The following ADK variants were observed in gnomAD, a reference collection of about 807,000 sequenced individuals.
ADK encodes the protein N6,N6-dimethyladenosine kinase.
Under a neutral mutation model 44.7 loss-of-function variants are expected in ADK, and 24 were observed. The observed-to-expected ratio is 0.54, with a 90% CI of 0.39 to 0.76. The LOEUF is 0.76. Among genes scored for constraint, ADK ranks in the 30% least tolerant of loss-of-function variants. The probability of loss-of-function intolerance (pLI) is 0.00; values close to 1 mark genes in which losing one functional copy is unlikely to be tolerated. For synonymous variants in ADK, 128 were observed against 142.6 expected (o/e 0.90, Z 0.73); for missense variants, 321 against 425.1 (o/e 0.76, Z 2.15).
At chr10:74,488,097 T>C (rs1291951099) in intron 6 of ADK, among the ~76,000 whole-genome samples, 1 of 151,988 alleles carries the variant, frequency 6.6e-6, no homozygotes, top group Non-Finnish European at 1.5e-5. Flanking sequence ...TTCAGACATA[T>C]CTTCACTGTG....
chr10:74,583,121 A>G (rs1035243887), intron 7 of ADK, among the ~76,000 whole-genome samples: 1 of 152,222 alleles, frequency 6.6e-6, no homozygotes, highest in Non-Finnish European at 1.5e-5. Flanking sequence ...CATAGTTTGA[A>G]GGACAGCATG....
At chr10:74,384,640 C>A (rs1031553795) in intron 4 of ADK, among the ~76,000 whole-genome samples, 5 of 152,086 alleles carry the variant, frequency 3.3e-5, no homozygotes, top group Admixed American at 3.3e-4. Context: ...CACTGCTCTC[C>A]AGCCTGGGTG....
intron 10 of ADK, among the ~76,000 whole-genome samples, chr10:74,701,546 A>G (rs7902089): frequency 0.022 from 3,379 of 152,320 alleles, 55 homozygotes; most frequent in South Asian, 0.077. Context: ...GGCATATCCA[A>G]TGACACGGGA....
At chr10:74,596,293 C>T (rs927465981) in intron 8 of ADK, among the ~76,000 whole-genome samples, 3 of 152,168 alleles carry the variant, frequency 2.0e-5, no homozygotes, top group Non-Finnish European at 2.9e-5. Flanking sequence ...CATTACTTAA[C>T]GTCTCTGACT....
At chr10:74,481,084 G>A (rs889751213) in intron 6 of ADK, among the ~76,000 whole-genome samples, 4 of 152,052 alleles carry the variant, frequency 2.6e-5, no homozygotes, top group East Asian at 1.9e-4. Flanking sequence ...TCAGCATGGT[G>A]CACTTTGTAA....
At chr10:74,657,782 T>C (rs149943063) in intron 9 of ADK, among the ~76,000 whole-genome samples, 32 of 152,320 alleles carry the variant, frequency 2.1e-4, no homozygotes, top group African/African-American at 7.5e-4. Context: ...GTTCAAAGTT[T>C]AGTTGAGAAG....
At chr10:74,222,204 A>G (rs1018022396) in intron 2 of ADK, among the ~76,000 whole-genome samples, 1 of 152,242 alleles carries the variant, frequency 6.6e-6, no homozygotes, top group Non-Finnish European at 1.5e-5. Context: ...GGTGAAGGAC[A>G]TGAACAGACA....
chr10:74,180,221 TTA>T (rs1023261473), intron 1 of ADK, among the ~76,000 whole-genome samples: 13 of 106,350 alleles, frequency 1.2e-4, no homozygotes, highest in African/African-American at 3.7e-4. Flanking sequence ...ATTATTATTA[TTA>T]TTATTATTAT....
At chr10:74,184,585 G>A (rs1424625137) in intron 1 of ADK, among the ~76,000 whole-genome samples, 2 of 151,490 alleles carry the variant, frequency 1.3e-5, no homozygotes, top group Non-Finnish European at 2.9e-5. Flanking sequence ...ATGTTGCCCA[G>A]GCTGGTCTTG....
At chr10:74,291,423 A>C (rs1222819924) in intron 3 of ADK, among the ~76,000 whole-genome samples, 1 of 151,940 alleles carries the variant, frequency 6.6e-6, no homozygotes, top group East Asian at 1.9e-4. Context: ...TCTCAAAAAC[A>C]ACAACAACAA....
chr10:74,503,549 A>G (rs909714111), intron 6 of ADK, among the ~76,000 whole-genome samples: 2 of 152,226 alleles, frequency 1.3e-5, no homozygotes, highest in Admixed American at 1.3e-4. Flanking sequence ...AGAGTTATCA[A>G]CTAAAGTTAT....
chr10:74,439,791 G>A (rs958897903), intron 6 of ADK, among the ~76,000 whole-genome samples: 5 of 151,860 alleles, frequency 3.3e-5, no homozygotes, highest in African/African-American at 1.2e-4. Flanking sequence ...TTATTTTAAT[G>A]TTTAAATTAT....
chr10:74,702,624 G>A (rs1856475395), intron 10 of ADK, among the ~76,000 whole-genome samples: 1 of 138,210 alleles, frequency 7.2e-6, no homozygotes, highest in African/African-American at 2.7e-5. Flanking sequence ...TTGAGATGGA[G>A]TTTTACTCTT....
chr10:74,364,427 G>A (rs960889738), intron 4 of ADK, among the ~76,000 whole-genome samples: 2 of 152,126 alleles, frequency 1.3e-5, no homozygotes, highest in Non-Finnish European at 2.9e-5. Flanking sequence ...CAGTGGGCAC[G>A]AGTCACCCAT....
chr10:74,432,311 T>G (rs1410844491), intron 6 of ADK, among the ~76,000 whole-genome samples: 1 of 152,326 alleles, frequency 6.6e-6, no homozygotes, highest in East Asian at 1.9e-4. Flanking sequence ...CAGGCCATAT[T>G]CCATATCTGA....
chr10:74,345,423 T>G (rs1490080401), intron 4 of ADK, among the ~76,000 whole-genome samples: 1 of 152,150 alleles, frequency 6.6e-6, no homozygotes, highest in Admixed American at 6.5e-5. Context: ...TCCTCCCACC[T>G]CAGTCTCCTG....
intron 4 of ADK, among the ~76,000 whole-genome samples, chr10:74,338,580 C>A (rs1841486544): frequency 6.6e-6 from 1 of 151,966 alleles, no homozygotes; most frequent in African/African-American, 2.4e-5. Flanking sequence ...GAATACCAAG[C>A]TTTGTAAAAG....
At chr10:74,297,769 A>C (rs1360394859) in intron 3 of ADK, among the ~76,000 whole-genome samples, 2 of 152,214 alleles carry the variant, frequency 1.3e-5, no homozygotes, top group East Asian at 3.8e-4. Flanking sequence ...TTCATAATTA[A>C]AGTTTATTAG....
At chr10:74,371,927 C>G in intron 4 of ADK, 1 of 1,400,682 alleles carries the variant, frequency 7.1e-7, no homozygotes, top group Non-Finnish European at 1.0e-6. Flanking sequence ...GGGCTGACCA[C>G]CAGCCTCTCA....
Sources: gnomAD v4.1 joint callset for allele counts (sites outside exome capture counted in the v4.1 genomes callset) on GRCh38, gnomAD v4.1.1 for gene constraint, MANE v1.5 for transcripts, NCBI Gene and HGNC (gene_info 2026-07-23, HGNC 2026-07-21) for gene names.